The following CTTNBP2NL variants were observed in gnomAD, a reference collection of about 807,000 sequenced individuals.
CTTNBP2NL encodes the protein CTTNBP2 N-terminal-like protein.
In CTTNBP2NL, 16 loss-of-function variants were observed where a neutral mutation model predicts 32.5. The ratio of observed to expected loss-of-function variants is 0.49; its 90% confidence interval spans 0.33 to 0.75. CTTNBP2NL has a LOEUF of 0.75. Ranked by LOEUF, CTTNBP2NL falls within the 30% of genes least tolerant of loss-of-function variation. CTTNBP2NL has a pLI of 0.02. For synonymous variants in CTTNBP2NL, 298 were observed against 289.4 expected (o/e 1.03, Z -0.30); for missense variants, 645 against 756.0 (o/e 0.85, Z 1.72).
At position 112,458,604 on chromosome 1, in the gene CTTNBP2NL, ACAAT is replaced by A. The variant is rs1436205370; in HGVS notation, c.*1196_*1199del. On this transcript the variant is annotated 3_prime_UTR_variant, in exon 6 of 6. Transcript: ENST00000271277. ...CGAAGCAACTAGATGTGGCTGGGAC[ACAAT>A]CAAAGGAGGAATTTTGTCCACAGGA... 1.3e-5 allele frequency: 2 copies of A among 152,160 alleles called. No individual in the cohort carries two copies. The highest frequency in any genetic ancestry group is 4.8e-5 in the African/African-American group (2 of 41,448). 9.4% of individuals were successfully genotyped at this position (152,160 alleles called of 1,614,324 possible).
At chr1:112,411,111 A>G (rs746652392) in intron 1 of CTTNBP2NL, among the ~76,000 whole-genome samples, 2 of 152,178 alleles carry the variant, frequency 1.3e-5, no homozygotes, top group African/African-American at 2.4e-5. Flanking sequence ...TGTTGGGTCT[A>G]TATTCTTGAC....
intron 1 of CTTNBP2NL, among the ~76,000 whole-genome samples, chr1:112,409,251 G>C (rs986301524): frequency 2.0e-5 from 3 of 151,704 alleles, no homozygotes; most frequent in African/African-American, 7.3e-5. Context: ...ACCTTAATCT[G>C]AGTCATTTGT....
chr1:112,399,587 C>T (rs1053664870), intron 1 of CTTNBP2NL, among the ~76,000 whole-genome samples: 2 of 151,860 alleles, frequency 1.3e-5, no homozygotes, highest in Non-Finnish European at 2.9e-5. Context: ...TGATTTGCAG[C>T]GTAGGATTTG....
intron 1 of CTTNBP2NL, among the ~76,000 whole-genome samples, chr1:112,409,553 A>G (rs1648791420): frequency 6.6e-6 from 1 of 152,188 alleles, no homozygotes; most frequent in South Asian, 2.1e-4. Context: ...AGTTCTATGT[A>G]GATATGCTCA....
At chr1:112,417,627 T>G (rs1420883545) in intron 3 of CTTNBP2NL, among the ~76,000 whole-genome samples, 2 of 152,202 alleles carry the variant, frequency 1.3e-5, no homozygotes, top group Non-Finnish European at 2.9e-5. Flanking sequence ...AGTCTGCATA[T>G]GGTCTGTAGG....
chr1:112,425,997 GTGTGTGTC>G (rs763274101), intron 3 of CTTNBP2NL, among the ~76,000 whole-genome samples: 12,235 of 132,164 alleles, frequency 0.093, 644 homozygotes, highest in Middle Eastern at 0.17. Flanking sequence ...GTGTGTGTGT[GTGTGTGTC>G]TGTCTGTCTT....
intron 5 of CTTNBP2NL, 70 bp downstream of exon 5, chr1:112,454,626 A>T: frequency 8.9e-7 from 1 of 1,128,254 alleles, no homozygotes; most frequent in East Asian, 2.3e-5. Flanking sequence ...ATTCTGCAGG[A>T]TGCCAACTGG....
intron 3 of CTTNBP2NL, among the ~76,000 whole-genome samples, chr1:112,439,863 C>T (rs533751527): frequency 8.5e-5 from 13 of 152,198 alleles, no homozygotes; most frequent in Non-Finnish European, 1.9e-4. Flanking sequence ...CTTCCTATTC[C>T]TTGTGAATGT....
At chr1:112,440,888 G>A (rs572635074) in intron 3 of CTTNBP2NL, among the ~76,000 whole-genome samples, 1 of 150,356 alleles carries the variant, frequency 6.7e-6, no homozygotes, top group African/African-American at 2.4e-5. Context: ...GGCAATAAAC[G>A]CTCGAGTGTT....
intron 3 of CTTNBP2NL, among the ~76,000 whole-genome samples, chr1:112,446,733 A>G (rs1344470329): frequency 1.3e-5 from 2 of 152,160 alleles, no homozygotes; most frequent in Admixed American, 1.3e-4. Context: ...TGTTTTTTGT[A>G]GAGACAAGGT....
intron 5 of CTTNBP2NL, 49 bp downstream of exon 5, chr1:112,454,605 T>A (rs1463965673): frequency 7.5e-7 from 1 of 1,326,430 alleles, no homozygotes; most frequent in East Asian, 2.3e-5. Flanking sequence ...GAACAGCATT[T>A]CCCAAAGATT....
chr1:112,430,838 C>G (rs1649549767), intron 3 of CTTNBP2NL, among the ~76,000 whole-genome samples: 1 of 152,188 alleles, frequency 6.6e-6, no homozygotes, highest in Non-Finnish European at 1.5e-5. Context: ...CTGCCTCTGC[C>G]TCCCAAAGTG....
chr1:112,401,421 A>G (rs1281686504), intron 1 of CTTNBP2NL, among the ~76,000 whole-genome samples: 2 of 152,206 alleles, frequency 1.3e-5, no homozygotes, highest in Non-Finnish European at 2.9e-5. Flanking sequence ...CTTCTTTCTG[A>G]ATTGTCAGTT....
chr1:112,418,904 G>A (rs140676769), intron 3 of CTTNBP2NL, among the ~76,000 whole-genome samples: 1 of 152,122 alleles, frequency 6.6e-6, no homozygotes, highest in African/African-American at 2.4e-5. Context: ...TCCACATCGG[G>A]TATATTACAT....
chr1:112,457,133 C>A lies in CTTNBP2NL; in HGVS notation c.1641C>A (p.Ser547Arg). 1 of 1,614,148 alleles carries A rather than the reference C, an allele frequency of 6.2e-7. No homozygotes were observed. The stretch of plus-strand genomic sequence containing the variant: ...CTGCCAATCCAAGAGGTGACACAAG[C>A]CATTCACCTACTCCAGGGAAAGTGT... ...ANTANPRGDT[S>R]HSPTPGKVSS... Residue 547 changes from serine to arginine, a missense_variant, in exon 6 of 6, where the codon AGC becomes AGA. Transcript: ENST00000271277.
rs779873269 is a variant in CTTNBP2NL at position 112,458,996 on chromosome 1, G to A, written c.*1584G>A. ...CTGTTCAGCTCCATCTGCTTGCTGC[G>A]GTGCAAGAATGCTAAACCAGGATTA... On this transcript the variant is annotated 3_prime_UTR_variant, in exon 6 of 6. Transcript: ENST00000271277. The A allele has an allele frequency of 2.6e-5, 4 of 152,034 alleles. No individual in the cohort carries two copies. Among genetic ancestry groups the A allele is most frequent in the Non-Finnish European group, 4.4e-5 (3 of 68,014 alleles). The allele number at this position is 152,034 out of a possible 1,614,324, so 9.4% of individuals were successfully genotyped here.
At chr1:112,409,615 C>T (rs576209497) in intron 1 of CTTNBP2NL, among the ~76,000 whole-genome samples, 3 of 152,256 alleles carry the variant, frequency 2.0e-5, no homozygotes, top group African/African-American at 7.2e-5. Flanking sequence ...CCCTGCCCTG[C>T]CCTGTCCTGC....
At position 112,456,224 on chromosome 1, in the gene CTTNBP2NL, C is replaced by A. The variant is rs551998213; in HGVS notation, c.732C>A (p.Ile244=). The A allele has an allele frequency of 8.7e-6, 14 of 1,613,966 alleles. No individual in the cohort carries two copies. The South Asian group carries it at 1.4e-4, about 16-fold the overall frequency. The change falls in exon 6 of 6, where the codon ATC becomes ATA. Residue 244 remains isoleucine (I), a synonymous_variant. Coordinates refer to ENST00000271277, the MANE Select transcript of CTTNBP2NL (RefSeq NM_018704.3). The part of the protein sequence containing the change: ...QVEKQLSEFD[I]EREQLRAKLN... ...AGAAGCAGTTATCAGAGTTTGACAT[C>A]GAAAGGGAACAACTGAGAGCAAAAC...
intron 3 of CTTNBP2NL, among the ~76,000 whole-genome samples, chr1:112,430,834 C>T (rs1186749956): frequency 6.6e-6 from 1 of 152,214 alleles, no homozygotes; most frequent in Admixed American, 6.5e-5. Flanking sequence ...CTGCCTGCCT[C>T]TGCCTCCCAA....
Sources: allele counts gnomAD v4.1 joint callset (sites outside exome capture counted in the v4.1 genomes callset), GRCh38; gene constraint gnomAD v4.1.1; transcripts MANE v1.5; gene names NCBI Gene and HGNC (gene_info 2026-07-23, HGNC 2026-07-21).